The following FER variants were observed in gnomAD, a reference collection of about 807,000 sequenced individuals.
FER encodes the protein FER tyrosine kinase.
Under a neutral mutation model 111.0 loss-of-function variants are expected in FER, and 63 were observed. The ratio of observed to expected loss-of-function variants is 0.57; its 90% CI spans 0.46 to 0.70. The LOEUF is 0.70. Among genes scored for constraint, FER ranks in the 30% least tolerant of loss-of-function variants. The probability of loss-of-function intolerance (pLI) is 0.00; values close to 1 mark genes in which losing one functional copy is unlikely to be tolerated. For missense variants in FER, 914 were observed against 954.0 expected, an observed-to-expected ratio of 0.96 and a Z score of 0.55; for synonymous variants, 327 against 313.9, an observed-to-expected ratio of 1.04 and a Z score of -0.44.
At chr5:108,934,319 C>T (rs866278391) in intron 10 of FER, among the ~76,000 whole-genome samples, 9 of 152,082 alleles carry the variant, frequency 5.9e-5, no homozygotes, top group African/African-American at 2.2e-4. Context: ...AGTGAAAAAG[C>T]TGAAATAGAA....
intron 17 of FER, among the ~76,000 whole-genome samples, chr5:109,109,301 G>A (rs1749316266): frequency 6.6e-6 from 1 of 152,038 alleles, no homozygotes; most frequent in African/African-American, 2.4e-5. Flanking sequence ...ACACATGTAT[G>A]TGCATATATT....
At chr5:108,785,481 TTGG>T (rs1418681738) in intron 2 of FER, 7 of 571,834 alleles carry the variant, frequency 1.2e-5, no homozygotes, top group Non-Finnish European at 2.4e-5. Flanking sequence ...GCCTGGTCTG[TTGG>T]TGGTCATTTG....
At chr5:108,804,600 T>C (rs1282776719) in intron 3 of FER, among the ~76,000 whole-genome samples, 2 of 152,194 alleles carry the variant, frequency 1.3e-5, no homozygotes, top group African/African-American at 4.8e-5. Flanking sequence ...TATTATATGG[T>C]TTTGTTTCTG....
intron 2 of FER, among the ~76,000 whole-genome samples, chr5:108,786,581 A>G (rs1434699847): frequency 6.6e-6 from 1 of 152,102 alleles, no homozygotes; most frequent in Admixed American, 6.5e-5. Context: ...GCTCACTGCA[A>G]GCTCTGCCTC....
intron 13 of FER, among the ~76,000 whole-genome samples, chr5:109,027,136 T>C (rs1330661150): frequency 6.6e-6 from 1 of 152,202 alleles, no homozygotes; most frequent in African/African-American, 2.4e-5. Context: ...CTTTTTTCTT[T>C]CTTTCTTTCA....
intron 3 of FER, among the ~76,000 whole-genome samples, chr5:108,804,167 A>C (rs889937023): frequency 3.3e-5 from 5 of 151,872 alleles, no homozygotes; most frequent in Non-Finnish European, 7.4e-5. Flanking sequence ...ATTGGTGCTG[A>C]TTTTTCTAAT....
intron 17 of FER, among the ~76,000 whole-genome samples, chr5:109,115,399 A>G (rs1185752991): frequency 6.6e-6 from 1 of 152,116 alleles, no homozygotes; most frequent in African/African-American, 2.4e-5. Flanking sequence ...TTTTCCAAGT[A>G]ATACTGCCAT....
intron 2 of FER, among the ~76,000 whole-genome samples, chr5:108,776,608 A>T (rs549270540): frequency 8.7e-4 from 133 of 152,280 alleles, no homozygotes; most frequent in African/African-American, 3.1e-3. Context: ...GAAACTAGTT[A>T]TCTGTTTTAC....
intron 13 of FER, among the ~76,000 whole-genome samples, chr5:108,968,208 A>C (rs1370804005): frequency 1.3e-5 from 2 of 152,142 alleles, no homozygotes; most frequent in African/African-American, 4.8e-5. Flanking sequence ...CCAACATGGC[A>C]AAATGCTTTT....
chr5:108,842,503 A>G (rs1386183598), intron 5 of FER: 1 of 152,156 alleles, frequency 6.6e-6, no homozygotes, highest in Admixed American at 6.6e-5. Context: ...CTAACAAAGG[A>G]CTAAAATCCA....
intron 19 of FER, among the ~76,000 whole-genome samples, chr5:109,186,736 C>A (rs1758915680): frequency 6.6e-6 from 1 of 152,138 alleles, no homozygotes; most frequent in African/African-American, 2.4e-5. Flanking sequence ...CTGAAGAAAC[C>A]CTTTGGGGTT....
intron 17 of FER, among the ~76,000 whole-genome samples, chr5:109,126,984 A>G (rs569053018): frequency 3.2e-4 from 49 of 152,354 alleles, no homozygotes; most frequent in Admixed American, 2.3e-3. Context: ...GGATTTACCA[A>G]CCAGCAGAAA....
intron 17 of FER, among the ~76,000 whole-genome samples, chr5:109,115,167 A>G (rs1750078388): frequency 6.6e-6 from 1 of 152,138 alleles, no homozygotes; most frequent in Admixed American, 6.6e-5. Context: ...GCTTGTTGCT[A>G]ATGAAGAGTT....
rs1222047384 is a variant in FER at position 109,195,463 on chromosome 5, T to C, written c.*7888T>C. ...GCTTTAGTGTCAAAGAGATTGGTTC[T>C]ACAAGGTTCATCTGATTTCCCATAA... On this transcript the variant is annotated 3_prime_UTR_variant, in exon 20 of 20. Coordinates refer to ENST00000281092, the MANE Select transcript of FER (RefSeq NM_005246.4). 1.3e-5 allele frequency: 2 copies of C among 152,230 alleles called. No individual in the cohort carries two copies. Among genetic ancestry groups the C allele is most frequent in the African/African-American group, 4.8e-5 (2 of 41,466 alleles). 9.4% of individuals were successfully genotyped at this position (152,230 alleles called of 1,614,324 possible). A position where few individuals can be genotyped will look rare whatever the true frequency, so the allele number is the denominator to read the frequency against.
intron 13 of FER, among the ~76,000 whole-genome samples, chr5:109,025,842 T>A (rs1406063168): frequency 6.6e-6 from 1 of 152,194 alleles, no homozygotes; most frequent in African/African-American, 2.4e-5. Flanking sequence ...GGTTGTTGAA[T>A]TTTGTCAAAG....
chr5:109,151,847 T>G (rs1471231129), intron 17 of FER, among the ~76,000 whole-genome samples: 1 of 152,126 alleles, frequency 6.6e-6, no homozygotes, highest in Non-Finnish European at 1.5e-5. Flanking sequence ...TTCCAAATTC[T>G]GTCTCATAAC....
At chr5:109,099,209 A>G (rs185411236) in intron 16 of FER, among the ~76,000 whole-genome samples, 1,791 of 151,662 alleles carry the variant, frequency 0.012, 17 homozygotes, top group Non-Finnish European at 0.02. Context: ...AAAGTAACTA[A>G]AAAGAAAAAT....
At chr5:109,182,187 G>A (rs1758357673) in intron 18 of FER, among the ~76,000 whole-genome samples, 1 of 152,252 alleles carries the variant, frequency 6.6e-6, no homozygotes, top group East Asian at 1.9e-4. Flanking sequence ...GTATATACTA[G>A]AAGTCATATG....
chr5:108,798,870 T>C (rs985379155), intron 3 of FER, among the ~76,000 whole-genome samples: 1 of 152,152 alleles, frequency 6.6e-6, no homozygotes, highest in African/African-American at 2.4e-5. Context: ...CTCTCTGATA[T>C]TCTGTATTCT....
Sources: allele counts gnomAD v4.1 joint callset (sites outside exome capture counted in the v4.1 genomes callset), GRCh38; gene constraint gnomAD v4.1.1; transcripts MANE v1.5; gene names NCBI Gene and HGNC (gene_info 2026-07-23, HGNC 2026-07-21).